Variants in CCDC6 observed in about 807,000 individuals in gnomAD.
The protein encoded by CCDC6 is coiled-coil domain-containing protein 6.
Under a neutral mutation model 56.6 loss-of-function variants are expected in CCDC6, and 20 were observed. The observed-to-expected ratio is 0.35, with a 90% CI of 0.25 to 0.51. The LOEUF (loss-of-function observed/expected upper bound fraction) is 0.51. Among genes scored for constraint, CCDC6 ranks in the 20% least tolerant of loss-of-function variants. CCDC6 has a pLI of 0.95. For synonymous variants in CCDC6, 241 were observed against 234.4 expected (o/e 1.03, Z -0.26); for missense variants, 367 against 601.1 (o/e 0.61, Z 4.07).
intron 3 of CCDC6, among the ~76,000 whole-genome samples, chr10:59,819,496 C>A (rs192604499): frequency 6.6e-6 from 1 of 152,308 alleles, no homozygotes; most frequent in Admixed American, 6.5e-5. Context: ...TCCTGCCCAC[C>A]TAATTCCAAA....
intron 3 of CCDC6, among the ~76,000 whole-genome samples, chr10:59,815,087 CCTTACAGTTCTGGG>C (rs1460306583): frequency 1.3e-5 from 2 of 152,048 alleles, no homozygotes; most frequent in African/African-American, 4.8e-5. Flanking sequence ...TGGGCTTGTC[CCTTACAGTTCTGGG>C]CTTACAGTTA....
At chr10:59,901,587 TAC>T (rs1160194404) in intron 1 of CCDC6, among the ~76,000 whole-genome samples, 4 of 152,234 alleles carry the variant, frequency 2.6e-5, no homozygotes, top group Admixed American at 1.3e-4. Context: ...GGATTAATTT[TAC>T]AGTCAGAGAG....
At chr10:59,800,466 G>A (rs10994020) in intron 7 of CCDC6, among the ~76,000 whole-genome samples, 2,502 of 152,236 alleles carry the variant, frequency 0.016, 55 homozygotes, top group East Asian at 0.091. Context: ...CATCCAAATT[G>A]TTCTAAGTGT....
chr10:59,899,976 G>A (rs1310143081), intron 1 of CCDC6, among the ~76,000 whole-genome samples: 1 of 152,192 alleles, frequency 6.6e-6, no homozygotes, highest in African/African-American at 2.4e-5. Flanking sequence ...GTTGTGGCAG[G>A]GGAGTGGCTC....
chr10:59,859,840 ATATCATTTGAGGCC>A (rs2071112541), intron 1 of CCDC6, among the ~76,000 whole-genome samples: 1 of 97,102 alleles, frequency 1.0e-5, no homozygotes, highest in South Asian at 3.3e-4. Context: ...TGAGGCGGGC[ATATCATTTGAGGCC>A]GGCATATCAC....
chr10:59,873,284 C>T (rs1664261), intron 1 of CCDC6, among the ~76,000 whole-genome samples: 115,536 of 151,976 alleles, frequency 0.76, 44,167 homozygotes, highest in East Asian at 0.9. Flanking sequence ...GATGAGATCA[C>T]TGGAGTGGGC....
chr10:59,806,673 C>G (rs1235289452), intron 6 of CCDC6: 8 of 425,380 alleles, frequency 1.9e-5, no homozygotes, highest in Admixed American at 1.1e-4. Flanking sequence ...CTAATATAAC[C>G]CTGTCTCCAT....
At chr10:59,815,951 G>A (rs1041606267) in intron 3 of CCDC6, among the ~76,000 whole-genome samples, 5 of 152,150 alleles carry the variant, frequency 3.3e-5, no homozygotes, top group South Asian at 2.1e-4. Flanking sequence ...TCCAAAGTGC[G>A]GTTTTACTTT....
At chr10:59,904,347 G>A (rs1164571071) in intron 1 of CCDC6, among the ~76,000 whole-genome samples, 1 of 152,142 alleles carries the variant, frequency 6.6e-6, no homozygotes, top group African/African-American at 2.4e-5. Flanking sequence ...GTTATAATAC[G>A]GTCTAAGTGT....
chr10:59,830,055 C>A (rs2070822986), intron 3 of CCDC6, among the ~76,000 whole-genome samples: 1 of 152,216 alleles, frequency 6.6e-6, no homozygotes, highest in Non-Finnish European at 1.5e-5. Context: ...GACCACTCAC[C>A]ATTCACATGC....
intron 1 of CCDC6, among the ~76,000 whole-genome samples, chr10:59,885,814 C>G (rs955247452): frequency 1.3e-5 from 2 of 151,812 alleles, no homozygotes; most frequent in African/African-American, 2.4e-5. Context: ...TGGTCTGGTT[C>G]CCCCCATCAT....
At chr10:59,815,247 G>A (rs9971078) in intron 3 of CCDC6, among the ~76,000 whole-genome samples, 14,602 of 152,100 alleles carry the variant, frequency 0.096, 1,049 homozygotes, top group African/African-American at 0.2. Flanking sequence ...ATAAAAACAC[G>A]CACAAAATAT....
intron 3 of CCDC6, among the ~76,000 whole-genome samples, chr10:59,825,257 T>C (rs1040543856): frequency 7.2e-5 from 11 of 152,218 alleles, no homozygotes; most frequent in Admixed American, 4.6e-4. Context: ...GTTTCCCCCA[T>C]AGCGTTCTTG....
chr10:59,861,221 C>T (rs1313182433), intron 1 of CCDC6, among the ~76,000 whole-genome samples: 3 of 151,352 alleles, frequency 2.0e-5, no homozygotes, highest in Non-Finnish European at 2.9e-5. Flanking sequence ...AATCCGGGTG[C>T]GGTGGTGTGT....
chr10:59,792,954 G>A lies in CCDC6; in HGVS notation c.1388C>T (p.Pro463Leu). 6.2e-7 allele frequency: 1 copy of A among 1,612,186 alleles called. No individual in the cohort carries two copies. ...VPSAATSQPT[P>L]SQHSAHPSSQ... ...GGAGGGGTGCGCCGAATGTTGCGAA[G>A]GAGTAGGCTGCGAGGTGGCTGCTGA... is the stretch of plus-strand genomic sequence containing the variant. Residue 463 changes from proline (P) to leucine (L), a missense_variant, in exon 9 of 9, where the codon CCT becomes CTT. Around this residue, in one of 7 missense-constraint regions of CCDC6, gnomAD observed 54 missense variants for 60.0 expected, o/e 0.90. Coordinates refer to ENST00000263102, the MANE Select transcript of CCDC6 (RefSeq NM_005436.5).
chr10:59,804,292 T>A (rs2070601645), intron 7 of CCDC6, 128 bp downstream of exon 7: 2 of 627,576 alleles, frequency 3.2e-6, no homozygotes, highest in Non-Finnish European at 5.8e-6. Context: ...GTTTTTGATG[T>A]TTTTGAAAAA....
chr10:59,898,127 G>A lies in CCDC6; in HGVS notation c.303+7995C>T, dbSNP rs1280708871. Among the ~76,000 whole-genome samples, 8 of 151,966 alleles carry A rather than the reference G, an allele frequency of 5.3e-5. No individual in the cohort carries two copies. In the East Asian group the frequency reaches 9.7e-4, roughly 18 times the overall value. On this transcript the variant is annotated intron_variant, in intron 1 of 8. Transcript: ENST00000263102. ...GAAGTCTTTGCTTTCAGATAGTTTC[G>A]GATTAAAAACTTGAGAAATTCCGTC...
intron 1 of CCDC6, among the ~76,000 whole-genome samples, chr10:59,860,922 C>T (rs1300795262): frequency 3.3e-5 from 5 of 152,014 alleles, no homozygotes; most frequent in South Asian, 2.1e-4. Flanking sequence ...TGGCTGGGCA[C>T]GGTGACTCAT....
intron 1 of CCDC6, among the ~76,000 whole-genome samples, chr10:59,872,882 G>A (rs1449124841): frequency 1.3e-5 from 2 of 152,040 alleles, no homozygotes; most frequent in East Asian, 3.9e-4. Flanking sequence ...AGGAATTAAG[G>A]TGAAAATCTA....
Sources: allele counts gnomAD v4.1 joint callset (sites outside exome capture counted in the v4.1 genomes callset), GRCh38; gene constraint gnomAD v4.1.1; regional missense constraint gnomAD v4.1.1; transcripts MANE v1.5; gene names NCBI Gene and HGNC (gene_info 2026-07-23, HGNC 2026-07-21).